The following TMEM145 variants were observed in gnomAD, a reference collection of about 807,000 sequenced individuals.
TMEM145 encodes transmembrane protein 145.
In TMEM145, 46 loss-of-function variants were observed where a neutral mutation model predicts 68.5. The observed-to-expected ratio is 0.67, with a 90% CI of 0.53 to 0.86. The LOEUF is 0.86. Among genes scored for constraint, TMEM145 ranks in the 40% least tolerant of loss-of-function variants. The pLI, the probability that TMEM145 is intolerant of heterozygous loss-of-function variation, is 0.00. For synonymous variants in TMEM145, 255 were observed against 280.2 expected (o/e 0.91, Z 0.90); for missense variants, 570 against 645.8 (o/e 0.88, Z 1.27).
At chr19:42,314,214 AT>A in intron 1 of TMEM145, 57 bp from the exon 2 acceptor site, 1 of 1,595,238 alleles carries the variant, frequency 6.3e-7, no homozygotes, top group Non-Finnish European at 8.6e-7. Context: ...TTGGGGGTCT[AT>A]GGAGTAAAGA....
Position 42,315,079 on chromosome 19 carries a change from T to C in TMEM145, c.505+2T>C, listed in dbSNP as rs751609985. ...GACACTTCTCCGCTGATGAGTTTGG[T>C]GAGCACGTGGGGACCTAGAAACCAG... On this transcript the variant is annotated splice_donor_variant, in intron 6 of 14. Transcript: ENST00000301204. LOFTEE classifies it high-confidence loss of function. 2 of 1,614,156 alleles carry C rather than the reference T, an allele frequency of 1.2e-6. No homozygotes were observed. The highest frequency in any genetic ancestry group is 1.7e-6 in the Non-Finnish European group (2 of 1,180,022).
chr19:42,316,794 C>A (rs1421350190), intron 10 of TMEM145, 54 bp downstream of exon 10: 2 of 1,595,754 alleles, frequency 1.3e-6, no homozygotes, highest in Non-Finnish European at 1.7e-6. Flanking sequence ...AGGGCAGGGG[C>A]AGGGTTGGGG....
intron 8 of TMEM145, 106 bp from the exon 9 acceptor site, chr19:42,316,375 C>T: frequency 1.9e-6 from 2 of 1,078,764 alleles, no homozygotes; most frequent in South Asian, 1.3e-5. Context: ...GGTCTGGAGT[C>T]CTAAGGGAGG....
At chr19:42,320,272 G>T (rs1203091578) in intron 12 of TMEM145, 45 bp from the exon 13 acceptor site, 2 of 1,609,630 alleles carry the variant, frequency 1.2e-6, no homozygotes, top group Non-Finnish European at 1.7e-6. Context: ...GGGTGGGGTG[G>T]AGGACAGGAG....
chr19:42,324,229 C>T (rs1250926796), intron 14 of TMEM145: 2 of 979,850 alleles, frequency 2.0e-6, no homozygotes, highest in African/African-American at 1.7e-5. Flanking sequence ...GGGGCCGCAT[C>T]TGCCCCCCGA....
intron 12 of TMEM145, among the ~76,000 whole-genome samples, chr19:42,318,928 A>G (rs2038886354): frequency 6.6e-6 from 1 of 151,936 alleles, no homozygotes; most frequent in South Asian, 2.1e-4. Context: ...CTAAAAATAC[A>G]AAAAAATTAG....
chr19:42,319,920 C>T (rs1036172751), intron 12 of TMEM145, among the ~76,000 whole-genome samples: 1 of 151,848 alleles, frequency 6.6e-6, no homozygotes, highest in African/African-American at 2.4e-5. Context: ...CCACCACACC[C>T]AGCTAATTTT....
At chr19:42,314,214 A>C in intron 1 of TMEM145, 58 bp from the exon 2 acceptor site, 1 of 1,595,238 alleles carries the variant, frequency 6.3e-7, no homozygotes, top group Admixed American at 1.7e-5. Flanking sequence ...TTGGGGGTCT[A>C]TGGAGTAAAG....
rs2038901747 is a variant in TMEM145, at chr19:42,320,542, C to T, written c.1194+105C>T. On this transcript the variant is annotated intron_variant, in intron 13 of 14. Transcript: ENST00000301204. The stretch of plus-strand genomic sequence containing the variant: ...GGACCTCCTGTTCTGAGGTCTTGAT[C>T]CATTTTCCTTTTAGTCATTCTCCCT... The T allele has an allele frequency of 5.2e-6, 8 of 1,527,888 alleles. No homozygotes were observed. In the African/African-American group the frequency reaches 5.5e-5, roughly 10 times the overall value. The allele number at this position is 1,527,888 out of a possible 1,614,324, so 94.6% of individuals were successfully genotyped here.
chr19:42,322,944 G>T (rs1019180457), intron 13 of TMEM145, among the ~76,000 whole-genome samples: 1 of 151,956 alleles, frequency 6.6e-6, no homozygotes, highest in Non-Finnish European at 1.5e-5. Context: ...CAGGTGATCC[G>T]CCCGCCTCGG....
In TMEM145 at chr19:42,315,061, C is replaced by G; in HGVS notation, c.489C>G (p.Phe163Leu). The G allele has an allele frequency of 6.2e-7, 1 of 1,614,174 alleles. No individual in the cohort carries two copies. The highest frequency in any genetic ancestry group is 8.5e-7 in the Non-Finnish European group (1 of 1,180,028). ...GCAAGTCCTTCTGGACACGACACTT[C>G]TCCGCTGATGAGTTTGGTGAGCACG... ...TNGKSFWTRH[F>L]SADEFGILET... Residue 163 changes from phenylalanine (F) to leucine (L), a missense_variant, in exon 6 of 15, where the codon TTC becomes TTG. Phe to Leu is a conservative substitution (Grantham distance 22). Transcript: ENST00000301204.
chr19:42,314,598 C>G lies in TMEM145; in HGVS notation c.274-15C>G. 6 of 1,614,144 alleles carry G rather than the reference C, an allele frequency of 3.7e-6. No homozygotes were observed. The South Asian group carries it at 6.6e-5, about 18-fold the overall frequency. ...TTGCTGGCCGGGGGAGTGACCCTGT[C>G]CCTGCCTTCCCCAGGACTGCCTGGC... On this transcript the variant is annotated splice_polypyrimidine_tract_variant and intron_variant, in intron 3 of 14. Coordinates refer to ENST00000301204, the MANE Select transcript of TMEM145 (RefSeq NM_173633.3).
At chr19:42,324,144 C>T in intron 14 of TMEM145, 1 of 660,698 alleles carries the variant, frequency 1.5e-6, no homozygotes. Flanking sequence ...CCCCGCCACC[C>T]AGTCCTTCCC....
At chr19:42,324,347 G>A (rs1430596124) in intron 14 of TMEM145, 2 of 985,164 alleles carry the variant, frequency 2.0e-6, no homozygotes, top group African/African-American at 3.5e-5. Context: ...GGTGACCATG[G>A]CCGAGCCGGG....
At position 42,317,002 on chromosome 19, in the gene TMEM145, CT is replaced by C; in HGVS notation, c.900+40del. Reference sequence around the variant, plus strand: ...GCCCCTGGCCGGGCCCTGCCTTCCCCTGCTTTTGGCGCCGCCTCCCCCTTGA... The same window carrying C: ...GCCCCTGGCCGGGCCCTGCCTTCCCCGCTTTTGGCGCCGCCTCCCCCTTGA... On this transcript the variant is annotated intron_variant, in intron 11 of 14. Transcript: ENST00000301204. 3 of 1,577,576 alleles carry C rather than the reference CT, an allele frequency of 1.9e-6. No homozygotes were observed. The South Asian group carries it at 3.4e-5, about 18-fold the overall frequency.
chr19:42,324,756 C>G lies in TMEM145; in HGVS notation c.1421C>G (p.Pro474Arg). ...CCTCAGCCCCTGCCCCGAGCGGCGC[C>G]GGATTCTGGGCTCCCGCTGTTCCGT... ...PATSPLPRAAPDSGLPLFRDL... is the reference protein window; with the variant it reads ...PATSPLPRAARDSGLPLFRDL... The change falls in exon 15 of 15, where the codon CCG (proline) becomes CGG (arginine). Residue 474 changes from proline (P) to arginine (R), a missense_variant. Physicochemically the swap from Pro to Arg is moderately radical, Grantham distance 103. Transcript: ENST00000301204. The G allele has an allele frequency of 6.4e-7, 1 of 1,559,354 alleles. No homozygotes were observed. The highest frequency in any genetic ancestry group is 1.8e-5 in the Admixed American group (1 of 55,114).
rs893759086 is a variant in TMEM145 at position 42,314,706 on chromosome 19, G to A, written c.360+7G>A. Reference sequence around the variant, plus strand: ...TGCCTGGTCCGGCTGTCAGGTGCAGGCTCAGCCTGGGGGAGTGGGCAGGTG... The same window carrying A: ...TGCCTGGTCCGGCTGTCAGGTGCAGACTCAGCCTGGGGGAGTGGGCAGGTG... On this transcript the variant is annotated splice_region_variant and intron_variant, in intron 4 of 14. Transcript: ENST00000301204. 6.2e-7 allele frequency: 1 copy of A among 1,614,204 alleles called. No individual in the cohort carries two copies. Among genetic ancestry groups the A allele is most frequent in the Non-Finnish European group, 8.5e-7 (1 of 1,180,028 alleles).
rs753778493 is a variant in TMEM145, at chr19:42,320,358, G to A, written c.1115G>A (p.Gly372Asp). 34 of 1,614,128 alleles carry A rather than the reference G, an allele frequency of 2.1e-5. No homozygotes were observed. The highest frequency in any genetic ancestry group is 2.9e-5 in the Non-Finnish European group (34 of 1,180,034). ...GTCATGGCCCTGATTGCCAATTTCG[G>A]CATCCCCAAGTGGGCCCGGGAGAAG... ...VPVMALIANF[G>D]IPKWAREKIV... Residue 372 changes from glycine (G) to aspartate (D), a missense_variant, in exon 13 of 15, where the codon GGC (glycine) becomes GAC (aspartate). Transcript: ENST00000301204.
Position 42,323,694 on chromosome 19 carries a change from G to A in TMEM145, c.1306G>A (p.Ala436Thr), listed in dbSNP as rs2038933585. 1 of 1,614,060 alleles carries A rather than the reference G, an allele frequency of 6.2e-7. No individual in the cohort carries two copies. The highest frequency in any genetic ancestry group is 1.1e-5 in the South Asian group (1 of 91,092). The change falls in exon 14 of 15, where the codon GCC becomes ACC. Residue 436 changes from alanine to threonine, a missense_variant. Physicochemically the swap from Ala to Thr is moderately conservative, Grantham distance 58. Transcript: ENST00000301204. The stretch of plus-strand genomic sequence containing the variant: ...CGGAGGGAGCCAATCCGCTGACAAG[G>A]CCTTCCCGCAGCACGTCTATGGGAA... ...GPGGSQSADK[A>T]FPQHVYGNVT...
Sources: allele counts gnomAD v4.1 joint callset (sites outside exome capture counted in the v4.1 genomes callset), GRCh38; gene constraint gnomAD v4.1.1; transcripts MANE v1.5; gene names NCBI Gene and HGNC (gene_info 2026-07-23, HGNC 2026-07-21).